CNTN5: variants seen among roughly 807,000 people sequenced by gnomAD.
CNTN5 encodes contactin-5.
A neutral mutation model predicts 129.1 loss-of-function variants in CNTN5; 77 were observed. The observed-to-expected ratio is 0.60, with a 90% CI of 0.50 to 0.72. The LOEUF (loss-of-function observed/expected upper bound fraction) is 0.72, where lower values mean the gene tolerates loss of function less well. Ranked by LOEUF, CNTN5 falls within the 30% of genes least tolerant of loss-of-function variation. CNTN5 has a pLI of 0.00. For synonymous variants in CNTN5, 509 were observed against 465.6 expected (o/e 1.09, Z -1.20); for missense variants, 1,478 against 1,328.8 (o/e 1.11, Z -1.75).
chr11:99,829,921 C>A (rs146216890), intron 4 of CNTN5, among the ~76,000 whole-genome samples: 43 of 152,116 alleles, frequency 2.8e-4, no homozygotes, highest in Non-Finnish European at 5.7e-4. Context: ...TATACCTGTT[C>A]CTCCCTCTAT....
At chr11:100,127,651 C>CTTTTTTTTTTTTTTTTTTTTTTTTT (rs66468227) in intron 13 of CNTN5, among the ~76,000 whole-genome samples, 1 of 81,280 alleles carries the variant, frequency 1.2e-5, no homozygotes, top group Non-Finnish European at 2.2e-5. Context: ...TTCTTTCTTT[C>CTTTTTTTTTTTTTTTTTTTTTTTTT]TTTTTTTTTT....
At chr11:99,489,850 G>T (rs1945966628) in intron 2 of CNTN5, among the ~76,000 whole-genome samples, 1 of 152,052 alleles carries the variant, frequency 6.6e-6, no homozygotes, top group African/African-American at 2.4e-5. Context: ...GAGAGGGAAA[G>T]ACAGACAGAG....
intron 4 of CNTN5, among the ~76,000 whole-genome samples, chr11:99,830,665 T>G (rs1956045729): frequency 6.6e-6 from 1 of 152,186 alleles, no homozygotes; most frequent in Non-Finnish European, 1.5e-5. Flanking sequence ...ATTTAAAAAT[T>G]GAGACCATAT....
At chr11:100,312,899 G>T (rs1951497460) in intron 21 of CNTN5, among the ~76,000 whole-genome samples, 1 of 151,898 alleles carries the variant, frequency 6.6e-6, no homozygotes, top group Admixed American at 6.6e-5. Context: ...ACATCCTAAT[G>T]GGGGAAAACA....
At chr11:100,175,297 A>G (rs1947930863) in intron 13 of CNTN5, among the ~76,000 whole-genome samples, 1 of 152,096 alleles carries the variant, frequency 6.6e-6, no homozygotes, top group South Asian at 2.1e-4. Context: ...CCTGTATTAA[A>G]TGAGTGTAAT....
intron 4 of CNTN5, among the ~76,000 whole-genome samples, chr11:99,831,483 C>G (rs1183339439): frequency 6.6e-6 from 1 of 152,174 alleles, no homozygotes; most frequent in Non-Finnish European, 1.5e-5. Context: ...TTGACCAGTG[C>G]CGGCTGTTGG....
chr11:99,718,945 T>C (rs1225333462), intron 3 of CNTN5, among the ~76,000 whole-genome samples: 3 of 152,108 alleles, frequency 2.0e-5, no homozygotes, highest in African/African-American at 7.2e-5. Flanking sequence ...TTTTCACCGG[T>C]AATAGAAAGG....
intron 1 of CNTN5, among the ~76,000 whole-genome samples, chr11:99,092,881 A>G (rs1866311874): frequency 2.6e-5 from 4 of 152,034 alleles, no homozygotes; most frequent in Admixed American, 2.6e-4. Flanking sequence ...TCTGTGTTTC[A>G]GTACTTTCTG....
At chr11:99,834,531 CAAA>C (rs1441996349) in intron 4 of CNTN5, among the ~76,000 whole-genome samples, 1 of 152,028 alleles carries the variant, frequency 6.6e-6, no homozygotes, top group Non-Finnish European at 1.5e-5. Context: ...AAGAAAAGAC[CAAA>C]CCACAATTTT....
At chr11:99,806,523 A>G (rs1946275389) in intron 3 of CNTN5, among the ~76,000 whole-genome samples, 1 of 152,050 alleles carries the variant, frequency 6.6e-6, no homozygotes, top group Admixed American at 6.6e-5. Flanking sequence ...CAAAAGACAA[A>G]ATAGGTCGTG....
intron 3 of CNTN5, among the ~76,000 whole-genome samples, chr11:99,689,637 T>C (rs181916938): frequency 2.0e-5 from 3 of 151,592 alleles, no homozygotes; most frequent in Non-Finnish European, 1.5e-5. Flanking sequence ...TGGTGTGAGA[T>C]GGTATCTCAT....
chr11:99,543,639 C>T (rs528427132), intron 2 of CNTN5, among the ~76,000 whole-genome samples: 22 of 152,052 alleles, frequency 1.4e-4, no homozygotes, highest in South Asian at 4.2e-4. Flanking sequence ...GAAATTAGGC[C>T]GGGTGCGGTG....
In CNTN5 at chr11:99,724,966, G is replaced by A. The variant is rs533247074; in HGVS notation, c.56-94578G>A. ...CATCACAAGATAAAAGATTTTTTGCGCCAATGCTAAGTTTTCTAAACTTTG... is the reference window on the plus strand; with the variant it reads ...CATCACAAGATAAAAGATTTTTTGCACCAATGCTAAGTTTTCTAAACTTTG... On this transcript the variant is annotated intron_variant, in intron 3 of 24. Transcript: ENST00000524871. 5.3e-4 allele frequency among the ~76,000 whole-genome samples: 81 copies of A among 152,204 alleles called. 1 individual carries two copies. The highest frequency in any genetic ancestry group is 1.8e-3 in the African/African-American group (74 of 41,548).
intron 2 of CNTN5, among the ~76,000 whole-genome samples, chr11:99,483,621 C>T (rs550853827): frequency 6.2e-4 from 95 of 152,138 alleles, no homozygotes; most frequent in African/African-American, 2.1e-3. Context: ...AGTGAGACAG[C>T]GTAGCAACCA....
At chr11:100,055,129 C>A (rs1192111187) in intron 9 of CNTN5, among the ~76,000 whole-genome samples, 2 of 149,738 alleles carry the variant, frequency 1.3e-5, no homozygotes, top group African/African-American at 4.9e-5. Context: ...TTGCTATATA[C>A]CTCATTTGTT....
chr11:100,287,818 A>G (rs951799546), intron 18 of CNTN5, among the ~76,000 whole-genome samples: 11 of 152,348 alleles, frequency 7.2e-5, no homozygotes, highest in South Asian at 6.2e-4. Flanking sequence ...CTGGCAAATT[A>G]GATAAAGAGT....
At chr11:99,321,967 C>T (rs759942808) in intron 1 of CNTN5, among the ~76,000 whole-genome samples, 1 of 152,112 alleles carries the variant, frequency 6.6e-6, no homozygotes, top group Admixed American at 6.6e-5. Flanking sequence ...TTTTAGTTTG[C>T]CAAGCCATTC....
intron 6 of CNTN5, among the ~76,000 whole-genome samples, chr11:99,868,656 C>A (rs754417484): frequency 6.6e-6 from 1 of 151,812 alleles, no homozygotes; most frequent in East Asian, 1.9e-4. Flanking sequence ...CTGAAAGAGG[C>A]GAAAAGGGAG....
chr11:100,046,358 G>T (rs1037261951), intron 9 of CNTN5, among the ~76,000 whole-genome samples: 1 of 152,114 alleles, frequency 6.6e-6, no homozygotes, highest in Non-Finnish European at 1.5e-5. Flanking sequence ...AATCCCATCT[G>T]CCTGTATTCT....
Sources: gnomAD v4.1 joint callset for allele counts (sites outside exome capture counted in the v4.1 genomes callset) on GRCh38, gnomAD v4.1.1 for gene constraint, MANE v1.5 for transcripts, NCBI Gene and HGNC (gene_info 2026-07-23, HGNC 2026-07-21) for gene names.